The following TBC1D23 variants were observed in gnomAD, a reference collection of about 807,000 sequenced individuals.
The protein encoded by TBC1D23 is TBC1 domain family member 23, also known as HCV non-structural protein 4A-transactivated protein 1.
In TBC1D23, 55 loss-of-function variants were observed where a neutral mutation model predicts 91.4. That is an observed-to-expected ratio of 0.60 (90% CI 0.48 to 0.75). TBC1D23 has a LOEUF of 0.75. Among genes scored for constraint, TBC1D23 ranks in the 30% least tolerant of loss-of-function variants. The pLI is 0.00. For missense variants in TBC1D23, 725 were observed against 836.1 expected (o/e 0.87, Z 1.64); for synonymous variants, 289 against 281.0 (o/e 1.03, Z -0.28).
intron 8 of TBC1D23, 137 bp from the exon 9 acceptor site, chr3:100,297,783 GATT>G: frequency 1.7e-6 from 1 of 588,828 alleles, no homozygotes; most frequent in Non-Finnish European, 2.7e-6. Flanking sequence ...TAAAATTTGA[GATT>G]ATGTAGTATT....
At chr3:100,302,035 G>A (rs201855788) in intron 10 of TBC1D23, 32 bp from the exon 11 acceptor site, 4 of 1,531,660 alleles carry the variant, frequency 2.6e-6, no homozygotes, top group Non-Finnish European at 3.5e-6. Context: ...ACACAGGCTT[G>A]TCAAGTTTTT....
chr3:100,312,713 T>C (rs1705646794), intron 15 of TBC1D23, among the ~76,000 whole-genome samples: 1 of 151,918 alleles, frequency 6.6e-6, no homozygotes, highest in Admixed American at 6.6e-5. Flanking sequence ...CTATAAATCC[T>C]AAGTGGGCCA....
chr3:100,287,969 A>G (rs2067758892), intron 4 of TBC1D23, among the ~76,000 whole-genome samples: 1 of 151,966 alleles, frequency 6.6e-6, no homozygotes, highest in South Asian at 2.1e-4. Flanking sequence ...GGCCAGGTGC[A>G]GTGACTCACA....
intron 4 of TBC1D23, among the ~76,000 whole-genome samples, chr3:100,287,592 A>T (rs1015253081): frequency 5.3e-5 from 8 of 152,192 alleles, no homozygotes; most frequent in Non-Finnish European, 1.0e-4. Context: ...AGGAGGAGGT[A>T]GTCATACCAG....
At position 100,295,360 on chromosome 3, in the gene TBC1D23, T is replaced by G. The variant is rs1305283767; in HGVS notation, c.772+12T>G. 1 of 1,596,532 alleles carries G rather than the reference T, an allele frequency of 6.3e-7. No homozygotes were observed. Among genetic ancestry groups the G allele is most frequent in the South Asian group, 1.1e-5 (1 of 88,410 alleles). ...AGAAGAAGTTATCAGTAAGTATCAT[T>G]TAATGTAGTGAAAACATTTCAGGTC... On this transcript the variant is annotated intron_variant, in intron 7 of 18. Transcript: ENST00000394144.
chr3:100,285,540 C>T (rs1270385440), intron 4 of TBC1D23, among the ~76,000 whole-genome samples: 2 of 152,124 alleles, frequency 1.3e-5, no homozygotes, highest in Non-Finnish European at 2.9e-5. Context: ...AAGCTGTGAA[C>T]GTTCATATAC....
At chr3:100,309,057 C>T (rs748890223) in intron 13 of TBC1D23, among the ~76,000 whole-genome samples, 33 of 152,156 alleles carry the variant, frequency 2.2e-4, no homozygotes, top group Non-Finnish European at 2.9e-5. Flanking sequence ...CCTATAATCC[C>T]AGCTATTCAG....
chr3:100,283,399 G>A (rs558072274), intron 3 of TBC1D23, among the ~76,000 whole-genome samples: 48 of 151,942 alleles, frequency 3.2e-4, no homozygotes, highest in Middle Eastern at 3.4e-3. Context: ...GTTATAAAGC[G>A]TTTTGACTGT....
In TBC1D23 at chr3:100,309,610, C is replaced by CTTTT. The variant is rs71132518; in HGVS notation, c.1414-777_1414-774dup. On this transcript the variant is annotated intron_variant, in intron 13 of 18. Coordinates refer to ENST00000394144, the MANE Select transcript of TBC1D23 (RefSeq NM_001199198.3). ...TATCCTAAATTTTTTATTCTACCTT[C>CTTTT]TTTTTTTTTTTTTTTTTTTGAGACA... is the stretch of plus-strand genomic sequence containing the variant. Among the ~76,000 whole-genome samples, 103 of 116,126 alleles carry CTTTT rather than the reference C, an allele frequency of 8.9e-4. 6 individuals carry two copies. Among genetic ancestry groups the CTTTT allele is most frequent in the Admixed American group, 2.1e-3 (22 of 10,634 alleles). 76.2% of individuals were successfully genotyped at this position (116,126 alleles called of 152,430 possible). A position where few individuals can be genotyped will look rare whatever the true frequency, so the allele number is the denominator to read the frequency against.
chr3:100,267,800 A>G (rs1379840871), intron 1 of TBC1D23, among the ~76,000 whole-genome samples: 1 of 152,212 alleles, frequency 6.6e-6, no homozygotes, highest in Non-Finnish European at 1.5e-5. Flanking sequence ...ACATTTGCAT[A>G]GAGCGTTACT....
At chr3:100,318,534 A>G (rs1705793797) in intron 16 of TBC1D23, among the ~76,000 whole-genome samples, 1 of 152,174 alleles carries the variant, frequency 6.6e-6, no homozygotes, top group Non-Finnish European at 1.5e-5. Context: ...TGTATTCTTA[A>G]TATTTAAACC....
intron 9 of TBC1D23, 152 bp downstream of exon 9, chr3:100,298,197 A>C: frequency 1.7e-6 from 1 of 593,632 alleles, no homozygotes; most frequent in Non-Finnish European, 2.8e-6. Context: ...TGTTATGTTC[A>C]GAGGGTCATT....
chr3:100,273,161 C>A (rs1349605551), intron 1 of TBC1D23, among the ~76,000 whole-genome samples: 1 of 152,188 alleles, frequency 6.6e-6, no homozygotes, highest in Non-Finnish European at 1.5e-5. Context: ...GTCCCTGCAG[C>A]CTTCCGCAGT....
At position 100,319,176 on chromosome 3, in the gene TBC1D23, G is replaced by A. The variant is rs761833622; in HGVS notation, c.1795G>A (p.Val599Ile). 2 of 1,608,674 alleles carry A rather than the reference G, an allele frequency of 1.2e-6. No individual in the cohort carries two copies. Among genetic ancestry groups the A allele is most frequent in the South Asian group, 2.2e-5 (2 of 89,426 alleles). ...DVKHHFPCKE[V>I]KESGHMFPSH... ...CAAACATCATTTTCCTTGTAAAGAA[G>A]TAAAAGAAAGTGGACACATGTTTCC... Residue 599 changes from valine to isoleucine, a missense_variant, in exon 17 of 19, where the codon GTA (valine) becomes ATA (isoleucine). By Grantham distance (29) the Val-to-Ile change is conservative (BLOSUM62 3). Coordinates refer to ENST00000394144, the MANE Select transcript of TBC1D23 (RefSeq NM_001199198.3).
Position 100,297,989 on chromosome 3 carries a change from GC to G in TBC1D23, c.944del (p.Ala315ValfsTer46). On this transcript the variant is annotated frameshift_variant, in exon 9 of 19. Coordinates refer to ENST00000394144, the MANE Select transcript of TBC1D23 (RefSeq NM_001199198.3). LOFTEE classifies it high-confidence loss of function. ...GGATGATGATGCAGATCTGAGTCAG[GC>G]TCTTTGTCTGGCCATCTCCGTGTCA... ...IKDDDADLSQ[A>X]LCLAISVSEI... 1.9e-6 allele frequency: 3 copies of G among 1,613,314 alleles called. No homozygotes were observed. Among genetic ancestry groups the G allele is most frequent in the Non-Finnish European group, 2.5e-6 (3 of 1,179,456 alleles).
intron 10 of TBC1D23, among the ~76,000 whole-genome samples, chr3:100,300,604 C>A (rs537841369): frequency 2.0e-5 from 3 of 149,562 alleles, no homozygotes; most frequent in Non-Finnish European, 4.4e-5. Context: ...CAGGTTCTGG[C>A]GATTCCCTAG....
At chr3:100,287,100 A>C (rs192057572) in intron 4 of TBC1D23, among the ~76,000 whole-genome samples, 4 of 152,156 alleles carry the variant, frequency 2.6e-5, no homozygotes, top group Admixed American at 2.0e-4. Context: ...GGTGCAAGCT[A>C]CCGCGCCCAG....
intron 1 of TBC1D23, among the ~76,000 whole-genome samples, chr3:100,276,427 A>G (rs939114010): frequency 5.3e-5 from 8 of 152,152 alleles, no homozygotes; most frequent in African/African-American, 1.7e-4. Context: ...AAAATTACAA[A>G]ATTTCTAATA....
chr3:100,261,444 C>T, intron 1 of TBC1D23: 2 of 243,564 alleles, frequency 8.2e-6, no homozygotes, highest in East Asian at 1.8e-4. Context: ...AGATCTGAGT[C>T]ACTAAAATAC....
Sources: allele counts gnomAD v4.1 joint callset (sites outside exome capture counted in the v4.1 genomes callset), GRCh38; gene constraint gnomAD v4.1.1; transcripts MANE v1.5; gene names NCBI Gene and HGNC (gene_info 2026-07-23, HGNC 2026-07-21).